Variants in NAV2 observed in about 807,000 individuals in gnomAD.
The protein encoded by NAV2 is neuron navigator 2.
Under a neutral mutation model 223.2 loss-of-function variants are expected in NAV2, and 54 were observed. The observed-to-expected ratio is 0.24, with a 90% CI of 0.19 to 0.30. The LOEUF (loss-of-function observed/expected upper bound fraction) is 0.30, where lower values mean the gene tolerates loss of function less well. Among genes scored for constraint, NAV2 ranks in the 10% least tolerant of loss-of-function variants. The probability of loss-of-function intolerance (pLI) is 1.00; values close to 1 mark genes in which losing one functional copy is unlikely to be tolerated. For synonymous variants in NAV2, 1,279 were observed against 1,239.3 expected (o/e 1.03, Z -0.67); for missense variants, 2,806 against 3,147.5 (o/e 0.89, Z 2.60).
At chr11:20,003,142 G>A (rs1427667844) in intron 11 of NAV2, among the ~76,000 whole-genome samples, 4 of 152,190 alleles carry the variant, frequency 2.6e-5, no homozygotes, top group African/African-American at 9.6e-5. Context: ...AAGTCGGAGA[G>A]GGGAAAGGTG....
chr11:19,501,881 G>A (rs1324218976), intron 1 of NAV2, among the ~76,000 whole-genome samples: 2 of 152,128 alleles, frequency 1.3e-5, no homozygotes, highest in Non-Finnish European at 2.9e-5. Context: ...GGGTGGCCCT[G>A]GCTTCTCTGT....
At chr11:19,430,286 C>G (rs1850994004) in intron 1 of NAV2, among the ~76,000 whole-genome samples, 1 of 152,226 alleles carries the variant, frequency 6.6e-6, no homozygotes, top group Non-Finnish European at 1.5e-5. Flanking sequence ...CTAGAGTCAG[C>G]TCTTCCATGG....
At chr11:19,459,140 A>C (rs1256591875) in intron 1 of NAV2, among the ~76,000 whole-genome samples, 1 of 152,250 alleles carries the variant, frequency 6.6e-6, no homozygotes, top group African/African-American at 2.4e-5. Context: ...GTTGTAAGTC[A>C]TAGAAAGCCC....
At chr11:19,399,268 C>G (rs1246382157) in intron 1 of NAV2, among the ~76,000 whole-genome samples, 1 of 152,200 alleles carries the variant, frequency 6.6e-6, no homozygotes, top group Non-Finnish European at 1.5e-5. Flanking sequence ...CCACGCTGCA[C>G]TCCCTGCCAC....
rs141046853 is a variant in NAV2, at chr11:19,815,834, C to T, written c.268-16650C>T. 4.2e-3 allele frequency among the ~76,000 whole-genome samples: 642 copies of T among 152,270 alleles called. 6 individuals are homozygous for T. The highest frequency in any genetic ancestry group is 0.017 in the Middle Eastern group (5 of 294). On this transcript the variant is annotated intron_variant, in intron 1 of 37. Transcript: ENST00000349880. ...TGAGGCTCAGATTGGATTGTATTTA[C>T]AAAAGAACTTTATAAATGGTAAGCA...
rs199961867 is a variant in NAV2, at chr11:19,879,828, A to G, written c.512-41A>G. 12 of 1,613,064 alleles carry G rather than the reference A, an allele frequency of 7.4e-6. No homozygotes were observed. The African/African-American group carries it at 1.2e-4, about 16-fold the overall frequency. ...TGAAACAGCCCATTGAACAGGAAGA[A>G]GAGCTCCCCATCTGACAAGAGTCTC... On this transcript the variant is annotated intron_variant, in intron 4 of 37. Coordinates refer to ENST00000349880, the MANE Select transcript of NAV2 (RefSeq NM_145117.5).
chr11:19,870,613 G>A (rs2062421729), intron 4 of NAV2, among the ~76,000 whole-genome samples: 1 of 152,042 alleles, frequency 6.6e-6, no homozygotes, highest in Non-Finnish European at 1.5e-5. Context: ...TGTACCCCAA[G>A]GCATAGAGAA....
chr11:19,932,584 A>G (rs1445105252), intron 6 of NAV2, among the ~76,000 whole-genome samples: 6 of 152,162 alleles, frequency 3.9e-5, no homozygotes, highest in Admixed American at 3.9e-4. Flanking sequence ...CTCCCAAAGT[A>G]CTGGGATTAC....
intron 1 of NAV2, among the ~76,000 whole-genome samples, chr11:19,584,779 G>A (rs1253661371): frequency 6.6e-6 from 1 of 152,154 alleles, no homozygotes; most frequent in Non-Finnish European, 1.5e-5. Flanking sequence ...TACATTTGCT[G>A]AGGAGTGCTT....
At chr11:19,896,641 T>C (rs1037008880) in intron 6 of NAV2, among the ~76,000 whole-genome samples, 1 of 152,230 alleles carries the variant, frequency 6.6e-6, no homozygotes, top group Admixed American at 6.5e-5. Flanking sequence ...TAGGCTTTAA[T>C]GTGTGACCCC....
intron 1 of NAV2, among the ~76,000 whole-genome samples, chr11:19,565,274 C>T (rs1484503838): frequency 1.1e-4 from 16 of 152,180 alleles, no homozygotes; most frequent in Non-Finnish European, 1.5e-5. Context: ...GAGGTTAAAG[C>T]CCATGCTTTT....
At chr11:19,886,009 C>G (rs1273846398) in intron 5 of NAV2, among the ~76,000 whole-genome samples, 2 of 152,116 alleles carry the variant, frequency 1.3e-5, no homozygotes, top group Non-Finnish European at 2.9e-5. Context: ...TGATTTTTGT[C>G]CAGTTCTGAT....
intron 1 of NAV2, among the ~76,000 whole-genome samples, chr11:19,414,774 A>G (rs1850294287): frequency 1.3e-5 from 2 of 152,196 alleles, no homozygotes; most frequent in African/African-American, 2.4e-5. Context: ...TCAAATTAGA[A>G]CTCAGGATTA....
chr11:20,104,568 C>A (rs138535812), intron 34 of NAV2: 2 of 152,464 alleles, frequency 1.3e-5, no homozygotes, highest in African/African-American at 2.4e-5. Flanking sequence ...TCATGCTTTC[C>A]CCTAATTATC....
At chr11:19,424,782 C>G (rs1190133524) in intron 1 of NAV2, among the ~76,000 whole-genome samples, 1 of 152,194 alleles carries the variant, frequency 6.6e-6, no homozygotes, top group African/African-American at 2.4e-5. Flanking sequence ...AACTCCTGAC[C>G]TCAAGTGATC....
At chr11:20,112,474 C>T (rs1413621676) in intron 36 of NAV2, among the ~76,000 whole-genome samples, 1 of 152,124 alleles carries the variant, frequency 6.6e-6, no homozygotes, top group African/African-American at 2.4e-5. Context: ...TGAGAAGGGG[C>T]AGGGTGGGCA....
intron 1 of NAV2, among the ~76,000 whole-genome samples, chr11:19,410,694 T>C (rs998866364): frequency 1.3e-5 from 2 of 152,142 alleles, no homozygotes; most frequent in African/African-American, 4.8e-5. Flanking sequence ...TGACATGCCA[T>C]AGGAGGTAGG....
chr11:19,892,534 A>C lies in NAV2; in HGVS notation c.871A>C (p.Asn291His). The change falls in exon 6 of 38, where the codon AAC (asparagine) becomes CAC (histidine). Residue 291 changes from asparagine (N) to histidine (H), a missense_variant. Transcript: ENST00000349880. ...CAACCGACGCAGCCAGAGCTTTAAC[A>C]ACTATGATAAATCCAAACCAGTCAC... Reference protein sequence around the residue: ...ANNRRSQSFNNYDKSKPVTSP... With the variant: ...ANNRRSQSFNHYDKSKPVTSP... The C allele has an allele frequency of 6.2e-7, 1 of 1,614,238 alleles. No homozygotes were observed. The highest frequency in any genetic ancestry group is 8.5e-7 in the Non-Finnish European group (1 of 1,180,046).
chr11:20,078,046 C>A lies in NAV2; in HGVS notation c.5121C>A (p.Asn1707Lys). 6.2e-7 allele frequency: 1 copy of A among 1,613,184 alleles called. No individual in the cohort carries two copies. Among genetic ancestry groups the A allele is most frequent in the Non-Finnish European group, 8.5e-7 (1 of 1,179,816 alleles). The part of the protein sequence containing the change: ...RKTIELLKKQ[N>K]AAAQAAINGV... The stretch of plus-strand genomic sequence containing the variant: ...CCATTGAGCTGCTAAAGAAACAGAA[C>A]GCAGCTGCCCAGGCTGCCATTAATG... The change falls in exon 24 of 38, where the codon AAC becomes AAA. Residue 1707 changes from asparagine to lysine, a missense_variant. Coordinates refer to ENST00000349880, the MANE Select transcript of NAV2 (RefSeq NM_145117.5).
Sources: allele counts gnomAD v4.1 joint callset (sites outside exome capture counted in the v4.1 genomes callset), GRCh38; gene constraint gnomAD v4.1.1; transcripts MANE v1.5; gene names NCBI Gene and HGNC (gene_info 2026-07-23, HGNC 2026-07-21).